The following SV2C variants were observed in gnomAD, a reference collection of about 807,000 sequenced individuals.
SV2C encodes the protein synaptic vesicle glycoprotein 2C.
A neutral mutation model predicts 79.7 loss-of-function variants in SV2C; 49 were observed. The ratio of observed to expected loss-of-function variants is 0.61; its 90% CI spans 0.49 to 0.78. SV2C has a LOEUF of 0.78. SV2C is among the 30% of genes least tolerant of loss of function. The pLI, the probability that SV2C is intolerant of heterozygous loss-of-function variation, is 0.00. For synonymous variants in SV2C, 334 were observed against 333.2 expected, an observed-to-expected ratio of 1.00 and a Z score of -0.03; for missense variants, 833 against 912.9, an observed-to-expected ratio of 0.91 and a Z score of 1.13.
intron 4 of SV2C, among the ~76,000 whole-genome samples, chr5:76,280,596 C>T (rs935959967): frequency 6.6e-6 from 1 of 152,174 alleles, no homozygotes; most frequent in Non-Finnish European, 1.5e-5. Flanking sequence ...GCCCGGCGTC[C>T]TTGGAGAGGC....
chr5:76,149,608 A>G (rs1749538670), intron 2 of SV2C, among the ~76,000 whole-genome samples: 1 of 152,246 alleles, frequency 6.6e-6, no homozygotes, highest in East Asian at 1.9e-4. Context: ...CTTATTCACC[A>G]ATATACAGTA....
At chr5:76,014,251 GAAAGGAAAGAAAGAAGGAAA>G in the SV2C span, among the ~76,000 whole-genome samples, 1 of 141,840 alleles carries the variant, frequency 7.1e-6, no homozygotes, top group Non-Finnish European at 1.5e-5. Context: ...AGAGAAAGAA[GAAAGGAAAGAAAGAAGGAAA>G]GAAAGAAAGA....
At chr5:75,900,977 T>C in the SV2C span, among the ~76,000 whole-genome samples, 1 of 152,226 alleles carries the variant, frequency 6.6e-6, no homozygotes, top group East Asian at 1.9e-4. Context: ...ATTCTAGTTA[T>C]ACATTTGTCT....
At chr5:76,223,012 A>G (rs1001718569) in intron 4 of SV2C, among the ~76,000 whole-genome samples, 2 of 152,100 alleles carry the variant, frequency 1.3e-5, no homozygotes, top group Non-Finnish European at 2.9e-5. Flanking sequence ...CAGAGTTGGA[A>G]TGGTGTCTGG....
At chr5:76,034,717 G>T in the SV2C span, among the ~76,000 whole-genome samples, 3 of 151,974 alleles carry the variant, frequency 2.0e-5, no homozygotes, top group Non-Finnish European at 2.9e-5. Flanking sequence ...TCTCTTTTTT[G>T]GTTGTGTCTC....
intron 3 of SV2C, among the ~76,000 whole-genome samples, chr5:76,199,519 T>A (rs1744370947): frequency 1.3e-5 from 2 of 152,224 alleles, no homozygotes; most frequent in South Asian, 4.1e-4. Context: ...TGGCAGCACT[T>A]ACAACTGATG....
rs1479523841 is a variant in SV2C, at chr5:76,301,480, A to G, written c.1935A>G (p.Gly645=). 1.2e-6 allele frequency: 2 copies of G among 1,614,038 alleles called. No homozygotes were observed. Among genetic ancestry groups the G allele is most frequent in the Non-Finnish European group, 1.7e-6 (2 of 1,179,988 alleles). Reference sequence around the variant, plus strand: ...TAGGCATGCTGTGTCTGTACAATGGATTGACCATCTCAGCCTGGAACTCTC... The same window carrying G: ...TAGGCATGCTGTGTCTGTACAATGGGTTGACCATCTCAGCCTGGAACTCTC... ...MMIGMLCLYN[G]LTISAWNSLD... The change falls in exon 12 of 13, where the codon GGA becomes GGG. Residue 645 remains glycine, a synonymous_variant. Transcript: ENST00000502798.
intron 6 of SV2C, among the ~76,000 whole-genome samples, chr5:76,290,428 A>T (rs535697544): frequency 6.6e-6 from 1 of 152,234 alleles, no homozygotes; most frequent in Non-Finnish European, 1.5e-5. Context: ...TCTCAGATTT[A>T]TCAAAAACAG....
rs397967143 is a variant in SV2C at position 76,177,124 on chromosome 5, A to AC, written c.581-17794dup. Reference sequence around the variant, plus strand: ...AGCGAGACTCTGTCTCAAAAAAAAAACAACAAAAAACAGAAAGTACAGAAG... The same window carrying AC: ...AGCGAGACTCTGTCTCAAAAAAAAAACCAACAAAAAACAGAAAGTACAGAAG... On this transcript the variant is annotated intron_variant, in intron 2 of 12. Coordinates refer to ENST00000502798, the MANE Select transcript of SV2C (RefSeq NM_014979.4). 2.0e-5 allele frequency among the ~76,000 whole-genome samples: 3 copies of AC among 146,634 alleles called. No individual in the cohort carries two copies. The East Asian group carries it at 6.0e-4, about 29-fold the overall frequency.
At chr5:75,917,396 G>A in the SV2C span, among the ~76,000 whole-genome samples, 2 of 152,158 alleles carry the variant, frequency 1.3e-5, no homozygotes, top group Non-Finnish European at 2.9e-5. Flanking sequence ...AATTATGCTT[G>A]ACACTGTGCT....
At chr5:75,909,671 T>C in the SV2C span, among the ~76,000 whole-genome samples, 1 of 152,212 alleles carries the variant, frequency 6.6e-6, no homozygotes, top group African/African-American at 2.4e-5. Context: ...AGCATCAATA[T>C]ACATTTCTCT....
At chr5:75,973,065 C>G in the SV2C span, among the ~76,000 whole-genome samples, 2 of 151,910 alleles carry the variant, frequency 1.3e-5, no homozygotes, top group Admixed American at 6.6e-5. Context: ...TCTCAGCAAA[C>G]TATTGCAAGG....
chr5:75,997,111 G>T, the SV2C span, among the ~76,000 whole-genome samples: 25 of 151,532 alleles, frequency 1.6e-4, no homozygotes, highest in East Asian at 4.8e-3. Context: ...GTATGATATT[G>T]GCTGTGGGTT....
intron 4 of SV2C, among the ~76,000 whole-genome samples, chr5:76,273,910 C>T (rs974078290): frequency 2.0e-5 from 3 of 152,306 alleles, no homozygotes; most frequent in South Asian, 2.1e-4. Flanking sequence ...TCAAGGGGAA[C>T]GGCCACAGCC....
At chr5:76,318,262 A>T (rs1748704156) in intron 12 of SV2C, among the ~76,000 whole-genome samples, 1 of 152,138 alleles carries the variant, frequency 6.6e-6, no homozygotes, top group Non-Finnish European at 1.5e-5. Flanking sequence ...TACTAAAAAC[A>T]CAAAAATTAG....
At chr5:76,304,209 A>T (rs1226088258) in intron 12 of SV2C, among the ~76,000 whole-genome samples, 1 of 152,252 alleles carries the variant, frequency 6.6e-6, no homozygotes, top group Non-Finnish European at 1.5e-5. Context: ...ATGTCATCAG[A>T]TAATCACAGG....
chr5:76,020,565 TAACTGAGCAG>T, the SV2C span, among the ~76,000 whole-genome samples: 2 of 152,154 alleles, frequency 1.3e-5, no homozygotes, highest in Non-Finnish European at 2.9e-5. Flanking sequence ...CTGGAATCAG[TAACTGAGCAG>T]AACTTTTTAT....
chr5:76,224,307 C>T (rs1460797302), intron 4 of SV2C, among the ~76,000 whole-genome samples: 2 of 152,124 alleles, frequency 1.3e-5, no homozygotes, highest in Non-Finnish European at 2.9e-5. Flanking sequence ...AAGAACGCCC[C>T]ATCTCATTTT....
intron 12 of SV2C, 133 bp downstream of exon 12, chr5:76,301,678 G>C: frequency 1.0e-6 from 1 of 1,002,760 alleles, no homozygotes. Flanking sequence ...GAAGGCCAAG[G>C]TGGGTGGATC....
Sources: gnomAD v4.1 joint callset for allele counts (sites outside exome capture counted in the v4.1 genomes callset) on GRCh38, gnomAD v4.1.1 for gene constraint, MANE v1.5 for transcripts, NCBI Gene and HGNC (gene_info 2026-07-23, HGNC 2026-07-21) for gene names.